PSD2: variants seen among roughly 807,000 people sequenced by gnomAD.
PSD2 encodes the protein PH and SEC7 domain-containing protein 2.
Under a neutral mutation model 69.8 loss-of-function variants are expected in PSD2, and 38 were observed. That is an observed-to-expected ratio of 0.54 (90% CI 0.42 to 0.71). The LOEUF (loss-of-function observed/expected upper bound fraction) is 0.71. Ranked by LOEUF, PSD2 falls within the 30% of genes least tolerant of loss-of-function variation. PSD2 has a pLI of 0.00. For missense variants in PSD2, 943 were observed against 1,014.5 expected (o/e 0.93, Z 0.96); for synonymous variants, 412 against 423.0 (o/e 0.97, Z 0.32).
chr5:139,801,564 C>T (rs1431736691), intron 1 of PSD2, among the ~76,000 whole-genome samples: 1 of 152,068 alleles, frequency 6.6e-6, no homozygotes, highest in Non-Finnish European at 1.5e-5. Flanking sequence ...TCAGGGTGCC[C>T]CAGCACTTGC....
chr5:139,830,578 C>A (rs1396602824), intron 7 of PSD2, among the ~76,000 whole-genome samples: 1 of 134,868 alleles, frequency 7.4e-6, no homozygotes, highest in Non-Finnish European at 1.5e-5. Flanking sequence ...TTCTTTCTTT[C>A]TTTCTTTCTT....
At chr5:139,796,226 G>C (rs1759522116) in intron 1 of PSD2, among the ~76,000 whole-genome samples, 1 of 152,308 alleles carries the variant, frequency 6.6e-6, no homozygotes, top group East Asian at 1.9e-4. Flanking sequence ...GCCGGGGAGA[G>C]GGGGCGCCGC....
the PSD2 span, among the ~76,000 whole-genome samples, chr5:139,774,127 GT>G: frequency 6.7e-5 from 10 of 148,600 alleles, no homozygotes; most frequent in South Asian, 4.2e-4. Context: ...ACTCGGTCTC[GT>G]TTTTTTTTTG....
At chr5:139,770,313 T>C in the PSD2 span, among the ~76,000 whole-genome samples, 1 of 152,122 alleles carries the variant, frequency 6.6e-6, no homozygotes, top group African/African-American at 2.4e-5. Context: ...TCCCAGCACT[T>C]TGGGGAGCTG....
Position 139,835,619 on chromosome 5 carries a change from T to C in PSD2, c.1360-104T>C, listed in dbSNP as rs543029645. Reference sequence around the variant, plus strand: ...GAATCAAACACCCACTTTGCCCCATTGGCTGAAAAGGTGCTCCCTCACTGT... The same window carrying C: ...GAATCAAACACCCACTTTGCCCCATCGGCTGAAAAGGTGCTCCCTCACTGT... On this transcript the variant is annotated intron_variant, in intron 8 of 14. Transcript: ENST00000274710. 3.4e-6 allele frequency: 4 copies of C among 1,176,398 alleles called. No individual in the cohort carries two copies. The African/African-American group carries it at 6.0e-5, about 18-fold the overall frequency. The allele number at this position is 1,176,398 out of a possible 1,614,324, so 72.9% of individuals were successfully genotyped here.
At chr5:139,773,959 A>G in the PSD2 span, among the ~76,000 whole-genome samples, 6 of 151,214 alleles carry the variant, frequency 4.0e-5, no homozygotes, top group African/African-American at 1.5e-4. Context: ...AAGGGTTTCA[A>G]TGTCCCTTGA....
chr5:139,777,044 C>T, the PSD2 span, among the ~76,000 whole-genome samples: 2 of 152,336 alleles, frequency 1.3e-5, no homozygotes, highest in East Asian at 3.9e-4. Context: ...GAGCACAGAA[C>T]AAGTGACTCC....
chr5:139,788,091 T>A, the PSD2 span, among the ~76,000 whole-genome samples: 1 of 152,130 alleles, frequency 6.6e-6, no homozygotes, highest in Non-Finnish European at 1.5e-5. Flanking sequence ...CGCGGAAGAC[T>A]CCGCGCAGTG....
In PSD2 at chr5:139,842,677, A is replaced by G. The variant is rs1760905576; in HGVS notation, c.*203A>G. On this transcript the variant is annotated 3_prime_UTR_variant, in exon 15 of 15. Transcript: ENST00000274710. ...GTCCTTGGGCATCTCCGGGCATCAG[A>G]CCCTCTCCCTGGCCCTTGTTTTCCT... The G allele has an allele frequency of 6.9e-6, 4 of 576,546 alleles. No individual in the cohort carries two copies. In the South Asian group the frequency reaches 8.8e-5, roughly 13 times the overall value. The allele number at this position is 576,546 out of a possible 1,614,324, so 35.7% of individuals were successfully genotyped here.
intron 1 of PSD2, among the ~76,000 whole-genome samples, chr5:139,799,532 G>A (rs1423307105): frequency 1.3e-5 from 2 of 152,164 alleles, no homozygotes; most frequent in African/African-American, 4.8e-5. Context: ...TTTCCCCAAG[G>A]GCACTTCAAA....
chr5:139,809,372 T>A lies in PSD2; in HGVS notation c.-50-19T>A. On this transcript the variant is annotated intron_variant, in intron 1 of 14. Coordinates refer to ENST00000274710, the MANE Select transcript of PSD2 (RefSeq NM_032289.4). Reference sequence around the variant, plus strand: ...CCAGTCCTGTCTGACCAGTTCTTCCTCTCTCCACCCACTGCCAGGTCTAGA... The same window carrying A: ...CCAGTCCTGTCTGACCAGTTCTTCCACTCTCCACCCACTGCCAGGTCTAGA... 6.5e-7 allele frequency: 1 copy of A among 1,540,188 alleles called. No homozygotes were observed. Among genetic ancestry groups the A allele is most frequent in the Non-Finnish European group, 8.7e-7 (1 of 1,148,236 alleles).
intron 7 of PSD2, among the ~76,000 whole-genome samples, chr5:139,832,350 A>T (rs746937251): frequency 7.2e-5 from 11 of 152,276 alleles, no homozygotes; most frequent in Non-Finnish European, 1.3e-4. Context: ...ACACACTTGT[A>T]TCAAGGCATA....
At chr5:139,809,346 C>A in intron 1 of PSD2, 45 bp from the exon 2 acceptor site, 1 of 1,455,830 alleles carries the variant, frequency 6.9e-7, no homozygotes, top group Non-Finnish European at 9.2e-7. Context: ...GCCCCCCAGC[C>A]CCAGTCCTGT....
the PSD2 span, among the ~76,000 whole-genome samples, chr5:139,752,356 GCTCAA>G: frequency 2.0e-5 from 3 of 152,088 alleles, no homozygotes; most frequent in African/African-American, 7.2e-5. Flanking sequence ...ATCCAGCCCA[GCTCAA>G]CTCATCACCA....
rs746655064 is a variant in PSD2, at chr5:139,813,411, C to T, written c.474C>T (p.Leu158=). The part of the protein sequence containing the change: ...ELLRGTQYSS[L]DSLDGLSLTD... The stretch of plus-strand genomic sequence containing the variant: ...TGCGGGGCACCCAGTACAGCAGCCT[C>T]GACTCCCTAGACGGGCTGAGCCTCA... Residue 158 remains leucine (L), a synonymous_variant, in exon 3 of 15, where the codon CTC becomes CTT. Coordinates refer to ENST00000274710, the MANE Select transcript of PSD2 (RefSeq NM_032289.4). 81 of 1,613,538 alleles carry T rather than the reference C, an allele frequency of 5.0e-5. No homozygotes were observed. Among genetic ancestry groups the T allele is most frequent in the South Asian group, 4.4e-5 (4 of 91,068 alleles).
chr5:139,803,424 T>G (rs970613820), intron 1 of PSD2, among the ~76,000 whole-genome samples: 1 of 152,236 alleles, frequency 6.6e-6, no homozygotes, highest in Admixed American at 6.5e-5. Flanking sequence ...CAGAAGGTTT[T>G]GGGAGGCAGC....
intron 1 of PSD2, among the ~76,000 whole-genome samples, chr5:139,807,785 C>G (rs1041464970): frequency 6.6e-6 from 1 of 152,104 alleles, no homozygotes; most frequent in East Asian, 1.9e-4. Context: ...GAAGTGGACC[C>G]GCCTCCCTCC....
chr5:139,742,571 A>T, the PSD2 span: 1 of 152,646 alleles, frequency 6.6e-6, no homozygotes, highest in East Asian at 1.9e-4. Flanking sequence ...CAGCCTGCTC[A>T]GGTAGGGCCA....
Position 139,839,583 on chromosome 5 carries a change from G to A in PSD2, c.1969-444G>A, listed in dbSNP as rs1235823514. Among the ~76,000 whole-genome samples the A allele has an allele frequency of 1.3e-5, 2 of 152,374 alleles. No homozygotes were observed. The highest frequency in any genetic ancestry group is 1.9e-4 in the East Asian group (1 of 5,186). On this transcript the variant is annotated intron_variant, in intron 13 of 14. Transcript: ENST00000274710. The surrounding 1 kb of genome is among the most constrained non-coding windows in gnomAD (Gnocchi z 5.1). ...GTGATCCTGGGTCTGCAACCATTAC[G>A]TGTATCTGCGCATGAATGTAAGAGA... is the stretch of plus-strand genomic sequence containing the variant.
Sources: allele counts gnomAD v4.1 joint callset (sites outside exome capture counted in the v4.1 genomes callset), GRCh38; gene constraint gnomAD v4.1.1; non-coding constraint Gnocchi (gnomAD v3.1); transcripts MANE v1.5; gene names NCBI Gene and HGNC (gene_info 2026-07-23, HGNC 2026-07-21).